Variants in LRP1B observed in about 807,000 individuals in gnomAD.
LRP1B encodes the protein LDL receptor related protein 1B.
Under a neutral mutation model 556.6 loss-of-function variants are expected in LRP1B, and 217 were observed. The ratio of observed to expected loss-of-function variants is 0.39; its 90% CI spans 0.35 to 0.44. The LOEUF (loss-of-function observed/expected upper bound fraction) is 0.44, where lower values mean the gene tolerates loss of function less well. Among genes scored for constraint, LRP1B ranks in the 20% least tolerant of loss-of-function variants. The pLI is 1.00. For synonymous variants in LRP1B, 2,047 were observed against 1,865.8 expected (o/e 1.10, Z -2.50); for missense variants, 5,053 against 5,620.8 (o/e 0.90, Z 3.23).
At chr2:141,480,557 G>C (rs1682880273) in intron 2 of LRP1B, 24 bp from the exon 3 acceptor site, 1 of 1,612,800 alleles carries the variant, frequency 6.2e-7, no homozygotes, top group Non-Finnish European at 8.5e-7. Flanking sequence ...AAAAAGAACA[G>C]AATTATGTGT....
At chr2:140,298,094 T>G (rs945383555) in intron 83 of LRP1B, 125 bp from the exon 84 acceptor site, 2 of 794,282 alleles carry the variant, frequency 2.5e-6, no homozygotes, top group Non-Finnish European at 3.8e-6. Context: ...TGATTTACTC[T>G]GTGACTTTAG....
intron 2 of LRP1B, among the ~76,000 whole-genome samples, chr2:141,807,390 A>G (rs1696200435): frequency 6.6e-6 from 1 of 152,112 alleles, no homozygotes; most frequent in Admixed American, 6.6e-5. Context: ...AACAGGTACA[A>G]AAAATAGTTA....
At chr2:141,177,410 T>C (rs1016533951) in intron 7 of LRP1B, among the ~76,000 whole-genome samples, 1 of 152,024 alleles carries the variant, frequency 6.6e-6, no homozygotes, top group African/African-American at 2.4e-5. Flanking sequence ...CCATTAATAG[T>C]AAGGTGGCAA....
intron 3 of LRP1B, among the ~76,000 whole-genome samples, chr2:141,318,591 A>C (rs916677802): frequency 1.5e-4 from 23 of 152,090 alleles, no homozygotes; most frequent in African/African-American, 5.3e-4. Flanking sequence ...GTTTCAGGAA[A>C]TGGAGATCAT....
rs568509538 is a variant in LRP1B, at chr2:141,339,872, C to T, written c.344-85231G>A. ...TGGTAAAGGCTGGGTGTTTAGTGCA[C>T]TCATCACCAGATCAGTGAACATTGT... is the stretch of plus-strand genomic sequence containing the variant. On this transcript the variant is annotated intron_variant, in intron 3 of 90. Transcript: ENST00000389484. Among the ~76,000 whole-genome samples, 12 of 152,152 alleles carry T rather than the reference C, an allele frequency of 7.9e-5. No individual in the cohort carries two copies. The South Asian group carries it at 1.7e-3, about 21-fold the overall frequency.
intron 63 of LRP1B, 134 bp downstream of exon 63, chr2:140,450,434 T>C: frequency 1.5e-6 from 1 of 680,982 alleles, no homozygotes; most frequent in Non-Finnish European, 2.6e-6. Flanking sequence ...TTTTAAAGAA[T>C]GGCATTTAAA....
At chr2:141,323,484 G>C (rs1484158321) in intron 3 of LRP1B, among the ~76,000 whole-genome samples, 1 of 152,064 alleles carries the variant, frequency 6.6e-6, no homozygotes, top group East Asian at 1.9e-4. Context: ...TGTCATGTAA[G>C]ATTAATTTTT....
chr2:141,515,979 T>G (rs929237125), intron 2 of LRP1B, among the ~76,000 whole-genome samples: 1 of 152,182 alleles, frequency 6.6e-6, no homozygotes, highest in East Asian at 1.9e-4. Context: ...TTAAAAAACA[T>G]ATATTGTCTG....
At chr2:141,212,138 T>C (rs1438639969) in intron 6 of LRP1B, among the ~76,000 whole-genome samples, 2 of 152,024 alleles carry the variant, frequency 1.3e-5, no homozygotes, top group Admixed American at 1.3e-4. Context: ...GAAGATGTGC[T>C]TAGAATTCTT....
chr2:140,553,699 C>T (rs755865973), intron 43 of LRP1B, among the ~76,000 whole-genome samples: 7 of 151,970 alleles, frequency 4.6e-5, no homozygotes, highest in Non-Finnish European at 8.8e-5. Context: ...TCAAGGGACT[C>T]TTAACAAGGA....
chr2:140,855,087 A>G (rs540500275), intron 27 of LRP1B, among the ~76,000 whole-genome samples: 16 of 152,272 alleles, frequency 1.1e-4, no homozygotes, highest in African/African-American at 3.6e-4. Context: ...TTATTTATGC[A>G]TTAAATAAAA....
chr2:141,591,367 T>TTG (rs1553539644), intron 2 of LRP1B, among the ~76,000 whole-genome samples: 1 of 122,028 alleles, frequency 8.2e-6, no homozygotes, highest in Non-Finnish European at 1.7e-5. Context: ...TTGTTTGTTT[T>TTG]TTTTTTTTTC....
chr2:141,475,738 G>C (rs555149841), intron 3 of LRP1B, among the ~76,000 whole-genome samples: 1 of 151,602 alleles, frequency 6.6e-6, no homozygotes, highest in African/African-American at 2.4e-5. Context: ...CGGAGCATCT[G>C]AATGTCGAGA....
chr2:141,238,739 A>G (rs543178366), intron 5 of LRP1B, among the ~76,000 whole-genome samples: 54 of 152,268 alleles, frequency 3.5e-4, no homozygotes, highest in African/African-American at 1.3e-3. Flanking sequence ...TGTATTTACA[A>G]AGTTATAAAC....
chr2:141,557,324 A>G (rs1227600151), intron 2 of LRP1B, among the ~76,000 whole-genome samples: 1 of 151,940 alleles, frequency 6.6e-6, no homozygotes, highest in African/African-American at 2.4e-5. Context: ...TCCATATTTT[A>G]TGGAGATAAT....
intron 1 of LRP1B, among the ~76,000 whole-genome samples, chr2:141,981,162 TCAGTTATA>T (rs1702032969): frequency 6.6e-6 from 1 of 152,104 alleles, no homozygotes. Context: ...ACTGCCCAGA[TCAGTTATA>T]CAATCTTATG....
chr2:140,511,263 G>A (rs1176495374), intron 51 of LRP1B, among the ~76,000 whole-genome samples: 4 of 149,094 alleles, frequency 2.7e-5, no homozygotes, highest in Non-Finnish European at 4.4e-5. Context: ...GGTAAGCAGT[G>A]GGGTATCAAA....
At chr2:140,395,449 C>T (rs1280783819) in intron 66 of LRP1B, among the ~76,000 whole-genome samples, 3 of 152,300 alleles carry the variant, frequency 2.0e-5, no homozygotes, top group African/African-American at 7.2e-5. Context: ...CATGTTACTT[C>T]TCATCCATCA....
At chr2:141,324,311 A>C (rs1396680398) in intron 3 of LRP1B, among the ~76,000 whole-genome samples, 1 of 152,184 alleles carries the variant, frequency 6.6e-6, no homozygotes, top group Non-Finnish European at 1.5e-5. Context: ...ATGAATTATA[A>C]GGAAAAGAAA....
Sources: gnomAD v4.1 joint callset for allele counts (sites outside exome capture counted in the v4.1 genomes callset) on GRCh38, gnomAD v4.1.1 for gene constraint, MANE v1.5 for transcripts, NCBI Gene and HGNC (gene_info 2026-07-23, HGNC 2026-07-21) for gene names.